NSUN6: variants seen among roughly 807,000 people sequenced by gnomAD.
NSUN6 encodes the protein tRNA (cytosine(72)-C(5))-methyltransferase NSUN6.
In NSUN6, 64 loss-of-function variants were observed where a neutral mutation model predicts 58.0. That is an observed-to-expected ratio of 1.10 (90% CI 0.90 to 1.36). NSUN6 has a LOEUF of 1.36. Ranked by LOEUF, NSUN6 falls within the 40% of genes most tolerant of loss-of-function variation. NSUN6 has a pLI of 0.00. For missense variants in NSUN6, 701 were observed against 550.1 expected (o/e 1.27, Z -2.74); for synonymous variants, 231 against 193.9 (o/e 1.19, Z -1.59).
upstream of NSUN6, among the ~76,000 whole-genome samples, chr10:18,655,976 C>T (rs2059773099): frequency 6.6e-6 from 1 of 152,218 alleles, no homozygotes; most frequent in African/African-American, 2.4e-5. Context: ...TTTTGAAACT[C>T]AGGATATTAT....
intron 8 of NSUN6, among the ~76,000 whole-genome samples, chr10:18,561,890 A>G (rs1407149768): frequency 6.6e-6 from 1 of 150,810 alleles, no homozygotes; most frequent in Non-Finnish European, 1.5e-5. Context: ...TGGAATGGAG[A>G]ATAGAATGGA....
intron 7 of NSUN6, among the ~76,000 whole-genome samples, chr10:18,591,155 T>C (rs538298640): frequency 6.6e-6 from 1 of 152,272 alleles, no homozygotes; most frequent in African/African-American, 2.4e-5. Flanking sequence ...GATAAATTCC[T>C]GGACACATAC....
intron 3 of NSUN6, among the ~76,000 whole-genome samples, chr10:18,641,164 G>T (rs1184799762): frequency 6.6e-6 from 1 of 152,004 alleles, no homozygotes; most frequent in African/African-American, 2.4e-5. Flanking sequence ...CCATTGCATG[G>T]ACAAATCATA....
rs956330691 is a variant in NSUN6, at chr10:18,651,279, A to T, written c.-76T>A. 1.3e-5 allele frequency: 19 copies of T among 1,475,674 alleles called. No individual in the cohort carries two copies. The Admixed American group carries it at 4.8e-4, about 37-fold the overall frequency. 91.4% of individuals were successfully genotyped at this position (1,475,674 alleles called of 1,614,324 possible). On this transcript the variant is annotated 5_prime_UTR_variant, in exon 1 of 11. Transcript: ENST00000377304. ...TTGTTTTTTTTTTTCTTTCCGAATT[A>T]ATAGTGACGAGTGTCTTGACACCAG... is the stretch of plus-strand genomic sequence containing the variant.
chr10:18,571,379 CCATTCCATTCCATTCTA>C (rs914693399), intron 8 of NSUN6, among the ~76,000 whole-genome samples: 7 of 151,518 alleles, frequency 4.6e-5, no homozygotes, highest in South Asian at 2.1e-4. Context: ...AGTTCAATCT[CCATTCCATTCCATTCTA>C]CATTCCATTC....
upstream of NSUN6, among the ~76,000 whole-genome samples, chr10:18,657,380 AAAGT>A (rs2059788706): frequency 6.6e-6 from 1 of 152,328 alleles, no homozygotes; most frequent in South Asian, 2.1e-4. Context: ...AAAGGTGTTA[AAAGT>A]AAGTTAAAAG....
chr10:18,651,859 TG>T, upstream of NSUN6: 7 of 985,362 alleles, frequency 7.1e-6, no homozygotes, highest in Non-Finnish European at 8.4e-6. Flanking sequence ...CCAGGGGCAA[TG>T]GGGAAACAGC....
upstream of NSUN6, chr10:18,659,270 G>C (rs1410495405): frequency 3.9e-6 from 1 of 255,536 alleles, no homozygotes; most frequent in Non-Finnish European, 7.4e-6. Context: ...TCGAAGGCGT[G>C]GGTTGCCGTA....
chr10:18,628,046 C>G (rs981337400), intron 3 of NSUN6, among the ~76,000 whole-genome samples: 3 of 152,220 alleles, frequency 2.0e-5, no homozygotes, highest in African/African-American at 7.2e-5. Context: ...TCTCCCAGCA[C>G]GCAGCTGGAG....
intron 6 of NSUN6, among the ~76,000 whole-genome samples, chr10:18,598,826 C>T (rs903238708): frequency 9.9e-5 from 15 of 152,232 alleles, no homozygotes; most frequent in South Asian, 2.1e-4. Context: ...CACTAATACA[C>T]GTTTAAAGCG....
Position 18,651,213 on chromosome 10 carries a change from T to C in NSUN6, c.-10A>G, listed in dbSNP as rs1180555204. On this transcript the variant is annotated 5_prime_UTR_variant, in exon 1 of 11. Transcript: ENST00000377304. ...TAGGGAAAATAGACATTTTTCCTGT[T>C]GTTTAGTTCTCCACCAAGAGAAATG... The C allele has an allele frequency of 6.4e-7, 1 of 1,550,530 alleles. No individual in the cohort carries two copies.
chr10:18,553,193 C>T (rs1308741052), intron 8 of NSUN6, among the ~76,000 whole-genome samples: 4 of 151,864 alleles, frequency 2.6e-5, no homozygotes, highest in African/African-American at 7.2e-5. Flanking sequence ...TTCTCCATTC[C>T]ATTCCATTGC....
chr10:18,644,475 A>AT (rs977239566), intron 2 of NSUN6, among the ~76,000 whole-genome samples: 4 of 143,796 alleles, frequency 2.8e-5, no homozygotes, highest in Non-Finnish European at 6.0e-5. Flanking sequence ...TGAACACATT[A>AT]TTTTTTTCAC....
At position 18,559,389 on chromosome 10, in the gene NSUN6, TGGAAAGGAATGG is replaced by T. The variant is rs1271706233; in HGVS notation, c.923-7430_923-7419del. Among the ~76,000 whole-genome samples, 13 of 143,808 alleles carry T rather than the reference TGGAAAGGAATGG, an allele frequency of 9.0e-5. No homozygotes were observed. In the East Asian group the frequency reaches 2.3e-3, roughly 25 times the overall value. 94.3% of individuals were successfully genotyped at this position (143,808 alleles called of 152,430 possible). On this transcript the variant is annotated intron_variant, in intron 8 of 10. Transcript: ENST00000377304. Reference sequence around the variant, plus strand: ...GAATGGAATGGAAGGGAGAATATAATGGAAAGGAATGGGGAATGGAATGGGGAATGGAATGGA... The same window carrying T: ...GAATGGAATGGAAGGGAGAATATAATGGAATGGAATGGGGAATGGAATGGA...
chr10:18,651,256 G>T lies in NSUN6; in HGVS notation c.-53C>A, dbSNP rs968766037. 284 of 1,360,986 alleles carry T rather than the reference G, an allele frequency of 2.1e-4. No homozygotes were observed. Among genetic ancestry groups the T allele is most frequent in the Non-Finnish European group, 2.1e-4 (214 of 1,032,100 alleles). The allele number at this position is 1,360,986 out of a possible 1,614,324, so 84.3% of individuals were successfully genotyped here. ...GAGAAATGCTGGAAAACGGTGTTTTGTTTTTTTTTTTCTTTCCGAATTAAT... is the reference window on the plus strand; with the variant it reads ...GAGAAATGCTGGAAAACGGTGTTTTTTTTTTTTTTTTCTTTCCGAATTAAT... On this transcript the variant is annotated 5_prime_UTR_variant, in exon 1 of 11. Coordinates refer to ENST00000377304, the MANE Select transcript of NSUN6 (RefSeq NM_182543.5).
intron 6 of NSUN6, among the ~76,000 whole-genome samples, chr10:18,601,654 C>G (rs2057843485): frequency 6.6e-6 from 1 of 152,134 alleles, no homozygotes; most frequent in South Asian, 2.1e-4. Context: ...ATTCCCCAAA[C>G]CAGCTGGATT....
intron 8 of NSUN6, among the ~76,000 whole-genome samples, chr10:18,571,464 A>G (rs1452644962): frequency 6.8e-6 from 1 of 148,108 alleles, no homozygotes; most frequent in Non-Finnish European, 1.5e-5. Flanking sequence ...ATTCCATTCC[A>G]ATCCATTCTC....
At chr10:18,621,331 C>A (rs1188677146) in intron 3 of NSUN6, among the ~76,000 whole-genome samples, 3 of 152,136 alleles carry the variant, frequency 2.0e-5, no homozygotes, top group African/African-American at 7.2e-5. Flanking sequence ...GCTGATTGTG[C>A]TTCATATTCT....
At chr10:18,552,691 CCCATT>C (rs774350599) in intron 8 of NSUN6, among the ~76,000 whole-genome samples, 4 of 149,066 alleles carry the variant, frequency 2.7e-5, no homozygotes, top group Non-Finnish European at 4.5e-5. Flanking sequence ...CATTCCATTC[CCCATT>C]CCATTCCATT....
Sources: allele counts gnomAD v4.1 joint callset (sites outside exome capture counted in the v4.1 genomes callset), GRCh38; gene constraint gnomAD v4.1.1; transcripts MANE v1.5; gene names NCBI Gene and HGNC (gene_info 2026-07-23, HGNC 2026-07-21).